Variants in UNC13C observed in about 807,000 individuals in gnomAD.
UNC13C encodes unc-13 homolog C.
A neutral mutation model predicts 245.4 loss-of-function variants in UNC13C; 174 were observed. That is an observed-to-expected ratio of 0.71 (90% CI 0.63 to 0.80). UNC13C has a LOEUF of 0.80. Ranked by LOEUF, UNC13C falls within the 30% of genes least tolerant of loss-of-function variation. The pLI, the probability that UNC13C is intolerant of heterozygous loss-of-function variation, is 0.00. For missense variants in UNC13C, 2,829 were observed against 2,602.9 expected (o/e 1.09, Z -1.89); for synonymous variants, 992 against 895.1 (o/e 1.11, Z -1.93).
chr15:53,953,037 G>T, the UNC13C span, among the ~76,000 whole-genome samples: 1 of 152,168 alleles, frequency 6.6e-6, no homozygotes, highest in Non-Finnish European at 1.5e-5. Context: ...AAGTGAAATA[G>T]ATATGAATAA....
chr15:53,894,096 A>T, the UNC13C span, among the ~76,000 whole-genome samples: 1 of 152,012 alleles, frequency 6.6e-6, no homozygotes, highest in Non-Finnish European at 1.5e-5. Context: ...TAGGGGAGAA[A>T]ATTCCCCGAC....
chr15:54,114,777 A>T (rs1419502350), intron 2 of UNC13C, among the ~76,000 whole-genome samples: 2 of 152,140 alleles, frequency 1.3e-5, no homozygotes, highest in East Asian at 3.8e-4. Flanking sequence ...TTTCTTCAGA[A>T]TCTTTGTATA....
At chr15:54,178,864 G>T (rs77521248) in intron 4 of UNC13C, among the ~76,000 whole-genome samples, 1 of 151,942 alleles carries the variant, frequency 6.6e-6, no homozygotes, top group East Asian at 1.9e-4. Flanking sequence ...ATAAAATCCC[G>T]CTTGAGGAAC....
chr15:54,286,306 T>C (rs10459618), intron 10 of UNC13C, among the ~76,000 whole-genome samples: 8,541 of 152,296 alleles, frequency 0.056, 543 homozygotes, highest in East Asian at 0.24. Flanking sequence ...AAACGTGATT[T>C]CTAATGGTGA....
chr15:54,496,652 T>TA (rs1361866822), intron 20 of UNC13C, among the ~76,000 whole-genome samples: 1 of 152,032 alleles, frequency 6.6e-6, no homozygotes, highest in African/African-American at 2.4e-5. Flanking sequence ...AGGAATGAAA[T>TA]AATGACATTC....
At chr15:54,605,502 A>G (rs1411766616) in intron 30 of UNC13C, among the ~76,000 whole-genome samples, 6 of 152,182 alleles carry the variant, frequency 3.9e-5, no homozygotes, top group African/African-American at 2.4e-5. Context: ...TTGGCTGCAT[A>G]TCAAAACTAC....
At chr15:54,371,870 C>T (rs1253934148) in intron 17 of UNC13C, among the ~76,000 whole-genome samples, 1 of 152,026 alleles carries the variant, frequency 6.6e-6, no homozygotes, top group Non-Finnish European at 1.5e-5. Flanking sequence ...CATGATCTCA[C>T]ATATTTGTGG....
At chr15:54,555,907 T>C (rs1322381435) in intron 29 of UNC13C, among the ~76,000 whole-genome samples, 1 of 152,110 alleles carries the variant, frequency 6.6e-6, no homozygotes, top group South Asian at 2.1e-4. Flanking sequence ...TGTTTTTATA[T>C]GTTTTCTATG....
intron 30 of UNC13C, among the ~76,000 whole-genome samples, chr15:54,575,024 A>T (rs1566918272): frequency 6.6e-6 from 1 of 151,996 alleles, no homozygotes; most frequent in Non-Finnish European, 1.5e-5. Context: ...TGGAAGAAAT[A>T]TGTCATTTAT....
intron 16 of UNC13C, among the ~76,000 whole-genome samples, chr15:54,337,735 A>G (rs1174418675): frequency 1.1e-4 from 16 of 152,144 alleles, no homozygotes; most frequent in Admixed American, 1.0e-3. Context: ...GGAGCCTTAT[A>G]AAAGTTAGTT....
intron 4 of UNC13C, among the ~76,000 whole-genome samples, chr15:54,216,351 A>G (rs1345368784): frequency 6.6e-6 from 1 of 151,986 alleles, no homozygotes; most frequent in Non-Finnish European, 1.5e-5. Flanking sequence ...GTTATTTAGT[A>G]TTTTAAACCT....
At chr15:54,331,471 C>T (rs1443409905) in intron 14 of UNC13C, among the ~76,000 whole-genome samples, 1 of 152,078 alleles carries the variant, frequency 6.6e-6, no homozygotes, top group Non-Finnish European at 1.5e-5. Context: ...CTAATTTTAG[C>T]ACTAAATCAT....
the UNC13C span, among the ~76,000 whole-genome samples, chr15:53,860,155 A>G: frequency 1.2e-4 from 18 of 152,198 alleles, no homozygotes; most frequent in African/African-American, 4.3e-4. Flanking sequence ...ATTGTATTAT[A>G]TAGTTATCTC....
chr15:54,429,084 T>C (rs2040814749), intron 19 of UNC13C, among the ~76,000 whole-genome samples: 1 of 151,812 alleles, frequency 6.6e-6, no homozygotes, highest in South Asian at 2.1e-4. Context: ...GTGCTCAAAA[T>C]GCTTTATTAT....
intron 30 of UNC13C, among the ~76,000 whole-genome samples, chr15:54,619,881 A>G (rs1206166241): frequency 2.0e-5 from 3 of 152,200 alleles, no homozygotes; most frequent in Non-Finnish European, 4.4e-5. Context: ...TGAGTACTAG[A>G]GAGTGGTATA....
intron 7 of UNC13C, among the ~76,000 whole-genome samples, chr15:54,241,399 C>T (rs1460859085): frequency 6.6e-6 from 1 of 152,112 alleles, no homozygotes; most frequent in Non-Finnish European, 1.5e-5. Context: ...GCTCAGAACA[C>T]CTCTCTGAGA....
At chr15:53,964,698 C>T in the UNC13C span, among the ~76,000 whole-genome samples, 1 of 152,080 alleles carries the variant, frequency 6.6e-6, no homozygotes, top group East Asian at 1.9e-4. Flanking sequence ...GAAACAAAGA[C>T]TATTAAAGAT....
intron 19 of UNC13C, among the ~76,000 whole-genome samples, chr15:54,485,815 T>A (rs1362167607): frequency 6.6e-6 from 1 of 152,144 alleles, no homozygotes; most frequent in Non-Finnish European, 1.5e-5. Context: ...ACTGTCTGTA[T>A]TCTCCACCAG....
At chr15:54,215,362 T>C (rs1489316747) in intron 4 of UNC13C, among the ~76,000 whole-genome samples, 1 of 151,946 alleles carries the variant, frequency 6.6e-6, no homozygotes, top group East Asian at 1.9e-4. Flanking sequence ...GGAAATACAA[T>C]TTGAAATTCC....
Sources: allele counts gnomAD v4.1 joint callset (sites outside exome capture counted in the v4.1 genomes callset), GRCh38; gene constraint gnomAD v4.1.1; transcripts MANE v1.5; gene names NCBI Gene and HGNC (gene_info 2026-07-23, HGNC 2026-07-21).